Variants in DMD observed in about 807,000 individuals in gnomAD.
DMD encodes dystrophin, also known as mutant dystrophin.
In DMD, 63 loss-of-function variants were observed where a neutral mutation model predicts 330.1. That is an observed-to-expected ratio of 0.19 (90% CI 0.16 to 0.24). The LOEUF is 0.24. Among genes scored for constraint, DMD ranks in the 10% least tolerant of loss-of-function variants. The probability of loss-of-function intolerance (pLI) is 1.00; values close to 1 mark genes in which losing one functional copy is unlikely to be tolerated. For synonymous variants in DMD, 1,223 were observed against 959.8 expected, an observed-to-expected ratio of 1.27 and a Z score of -5.07; for missense variants, 3,344 against 2,684.1, an observed-to-expected ratio of 1.25 and a Z score of -5.43.
intron 2 of DMD, among the ~76,000 whole-genome samples, chrX:32,962,760 T>C (rs1202971541): frequency 8.9e-6 from 1 of 112,252 alleles, no homozygotes; most frequent in Non-Finnish European, 1.9e-5. Context: ...TTCCTGTACT[T>C]GATATGCTTG....
intron 62 of DMD, among the ~76,000 whole-genome samples, chrX:31,266,625 G>C (rs986272841): frequency 8.9e-6 from 1 of 111,843 alleles, no homozygotes; most frequent in Admixed American, 9.3e-5. Context: ...GAGAAACCCC[G>C]GGGGCGCACC....
intron 61 of DMD, among the ~76,000 whole-genome samples, chrX:31,340,181 G>A (rs1417463650): frequency 8.9e-6 from 1 of 112,157 alleles, no homozygotes; most frequent in East Asian, 2.8e-4. Flanking sequence ...ACTTAACCAG[G>A]GATATGATTA....
intron 44 of DMD, among the ~76,000 whole-genome samples, chrX:32,098,676 C>T (rs2096524516): frequency 8.9e-6 from 1 of 111,895 alleles, no homozygotes; most frequent in African/African-American, 3.2e-5. Flanking sequence ...ATATAATCAT[C>T]TCAGTAAATT....
At chrX:32,505,519 C>A (rs1323789195) in intron 18 of DMD, among the ~76,000 whole-genome samples, 2 of 112,050 alleles carry the variant, frequency 1.8e-5, no homozygotes, top group Non-Finnish European at 3.8e-5. Flanking sequence ...AACCAAAAGC[C>A]GACAGAGAAA....
chrX:31,654,509 G>A (rs1419449166), intron 54 of DMD, among the ~76,000 whole-genome samples: 1 of 111,686 alleles, frequency 9.0e-6, no homozygotes, highest in Non-Finnish European at 1.9e-5. Flanking sequence ...CAACAAAAGT[G>A]AAAATGCCAT....
chrX:32,192,849 T>C (rs751264003), intron 44 of DMD, among the ~76,000 whole-genome samples: 1 of 112,101 alleles, frequency 8.9e-6, no homozygotes, highest in South Asian at 3.7e-4. Flanking sequence ...AAAATCACTG[T>C]TACTGTTAAC....
At chrX:31,660,842 A>G (rs2081081151) in intron 53 of DMD, among the ~76,000 whole-genome samples, 1 of 111,818 alleles carries the variant, frequency 8.9e-6, no homozygotes, top group Admixed American at 9.5e-5. Context: ...TTTCATGGGT[A>G]TATGCACATG....
intron 25 of DMD, among the ~76,000 whole-genome samples, chrX:32,462,060 C>A (rs1375636347): frequency 2.7e-5 from 3 of 110,634 alleles, no homozygotes; most frequent in African/African-American, 9.9e-5. Context: ...AGACCAACTG[C>A]CTCTAACACG....
At chrX:32,582,136 C>A (rs2053716158) in intron 13 of DMD, among the ~76,000 whole-genome samples, 1 of 111,098 alleles carries the variant, frequency 9.0e-6, no homozygotes, top group Non-Finnish European at 1.9e-5. Flanking sequence ...CCACAATACT[C>A]CCATTGTACT....
chrX:33,163,150 G>A (rs1267125529), intron 1 of DMD, among the ~76,000 whole-genome samples: 1 of 111,245 alleles, frequency 9.0e-6, no homozygotes, highest in African/African-American at 3.3e-5. Flanking sequence ...ATAAAACATT[G>A]TGATATGTCA....
chrX:31,211,527 T>C (rs948102921), intron 64 of DMD, among the ~76,000 whole-genome samples: 4 of 112,715 alleles, frequency 3.5e-5, no homozygotes, highest in African/African-American at 1.3e-4. Context: ...TCCAGGCATT[T>C]AAGAAGTAAC....
intron 1 of DMD, among the ~76,000 whole-genome samples, chrX:33,050,923 C>A (rs375274424): frequency 9.0e-6 from 1 of 111,455 alleles, no homozygotes; most frequent in Non-Finnish European, 1.9e-5. Flanking sequence ...TTGAGATAGA[C>A]TTAGATGTCA....
At chrX:31,382,130 T>C (rs1258591581) in intron 60 of DMD, among the ~76,000 whole-genome samples, 4 of 111,330 alleles carry the variant, frequency 3.6e-5, no homozygotes. Context: ...GCTCTTAGTA[T>C]TCAGTGAACT....
At chrX:32,695,404 A>G (rs1225478077) in intron 9 of DMD, among the ~76,000 whole-genome samples, 1 of 112,138 alleles carries the variant, frequency 8.9e-6, no homozygotes. Context: ...ATTTGGTTGA[A>G]GGAACATGAA....
At chrX:32,707,563 C>T (rs962839055) in intron 7 of DMD, among the ~76,000 whole-genome samples, 1 of 111,788 alleles carries the variant, frequency 8.9e-6, no homozygotes, top group African/African-American at 3.2e-5. Context: ...TGCCGTGTGC[C>T]CTAATCAACA....
intron 2 of DMD, among the ~76,000 whole-genome samples, chrX:32,924,657 A>AT (rs1184598714): frequency 8.9e-6 from 1 of 112,451 alleles, no homozygotes; most frequent in Non-Finnish European, 1.9e-5. Flanking sequence ...TATTAGCTTT[A>AT]TGTTTTAAAA....
chrX:31,219,965 C>G (rs921162933), intron 64 of DMD, among the ~76,000 whole-genome samples: 1 of 111,148 alleles, frequency 9.0e-6, no homozygotes, highest in Non-Finnish European at 1.9e-5. Flanking sequence ...CTGTATCTTT[C>G]TATGTTTAAA....
intron 7 of DMD, among the ~76,000 whole-genome samples, chrX:32,750,506 TG>T (rs1375250782): frequency 5.4e-5 from 6 of 111,400 alleles, no homozygotes; most frequent in African/African-American, 2.0e-4. Flanking sequence ...ATCAGATACC[TG>T]TATTGTATTT....
chrX:31,577,406 C>T (rs1796590730), intron 55 of DMD, among the ~76,000 whole-genome samples: 1 of 111,862 alleles, frequency 8.9e-6, no homozygotes. Context: ...AGCTCATTTG[C>T]TATTAATGTG....
Sources: allele counts gnomAD v4.1 joint callset (sites outside exome capture counted in the v4.1 genomes callset), GRCh38; gene constraint gnomAD v4.1.1; transcripts MANE v1.5; gene names NCBI Gene and HGNC (gene_info 2026-07-23, HGNC 2026-07-21).